TBC1D4: variants seen among roughly 807,000 people sequenced by gnomAD.
TBC1D4 encodes the protein TBC1 domain family member 4, also known as TBC (Tre-2, BUB2, CDC16) domain-containing protein.
In TBC1D4, 121 loss-of-function variants were observed where a neutral mutation model predicts 142.5. The observed-to-expected ratio is 0.85, with a 90% confidence interval of 0.73 to 0.99. TBC1D4 has a LOEUF of 0.99. Ranked by LOEUF, TBC1D4 falls within the 50% of genes least tolerant of loss-of-function variation. The probability of loss-of-function intolerance (pLI) is 0.00; values close to 1 mark genes in which losing one functional copy is unlikely to be tolerated. For synonymous variants in TBC1D4, 630 were observed against 628.2 expected, an observed-to-expected ratio of 1.00 and a Z score of -0.04; for missense variants, 1,475 against 1,606.6, an observed-to-expected ratio of 0.92 and a Z score of 1.40.
In TBC1D4 at chr13:75,348,950, AGAGAGTGT is replaced by A. The variant is rs1291086149; in HGVS notation, c.1408+212_1408+219del. 7.2e-3 allele frequency among the ~76,000 whole-genome samples: 897 copies of A among 124,960 alleles called. 8 individuals carry two copies. Among genetic ancestry groups the A allele is most frequent in the African/African-American group, 0.026 (839 of 32,008 alleles). The allele number at this position is 124,960 out of a possible 152,430, so 82.0% of individuals were successfully genotyped here. ...GAGAGGAGAGAGAGTAGAGAGAGAGAGAGAGTGTGTGTGTGTGTGTGTGTGTGTGTGTG... is the reference window on the plus strand; with the variant it reads ...GAGAGGAGAGAGAGTAGAGAGAGAGAGTGTGTGTGTGTGTGTGTGTGTGTG... On this transcript the variant is annotated intron_variant, in intron 5 of 20. Coordinates refer to ENST00000377636, the MANE Select transcript of TBC1D4 (RefSeq NM_014832.5).
chr13:75,337,234 G>A (rs1326531607), intron 7 of TBC1D4, among the ~76,000 whole-genome samples, 194 bp from the exon 8 acceptor site: 1 of 152,104 alleles, frequency 6.6e-6, no homozygotes, highest in Non-Finnish European at 1.5e-5. Flanking sequence ...CATATTGTAT[G>A]TAATAAAAAG....
chr13:75,362,064 G>A lies in TBC1D4; in HGVS notation c.1042C>T (p.Pro348Ser). The A allele has an allele frequency of 6.2e-7, 1 of 1,614,128 alleles. No individual in the cohort carries two copies. Among genetic ancestry groups the A allele is most frequent in the Non-Finnish European group, 8.5e-7 (1 of 1,180,024 alleles). ...GTCCTGTTCTTCTCCGAGTCCGAGG[G>A]CTGGACGTGACTGGGTGCGCTCGCG... ...RHASAPSHVQ[P>S]SDSEKNRTML... is the part of the protein sequence containing the mutation. Residue 348 changes from proline (P) to serine (S), a missense_variant, in exon 2 of 21, where the codon CCC (proline) becomes TCC (serine). Around this residue, in one of 2 missense-constraint regions of TBC1D4, gnomAD observed 1,227 missense variants for 1,267.7 expected, o/e 0.97. Coordinates refer to ENST00000377636, the MANE Select transcript of TBC1D4 (RefSeq NM_014832.5). The surrounding 1 kb of genome is among the most constrained non-coding windows in gnomAD (Gnocchi z 4.2).
intron 17 of TBC1D4, among the ~76,000 whole-genome samples, chr13:75,296,323 A>G (rs187239204): frequency 1.3e-5 from 2 of 152,352 alleles, no homozygotes; most frequent in Admixed American, 1.3e-4. Context: ...CAAAAGAGTT[A>G]GTATTTTGGT....
At chr13:75,363,748 T>C (rs1882726899) in intron 1 of TBC1D4, among the ~76,000 whole-genome samples, 1 of 152,264 alleles carries the variant, frequency 6.6e-6, no homozygotes, top group African/African-American at 2.4e-5. Context: ...ATACACTTTC[T>C]AAATTAACTG....
chr13:75,481,195 T>TGCCCC, intron 1 of TBC1D4, 75 bp downstream of exon 1: 14 of 1,292,708 alleles, frequency 1.1e-5, no homozygotes, highest in Non-Finnish European at 1.5e-5. Context: ...TAAAGTGGGG[T>TGCCCC]CCCCGCCCCT....
chr13:75,376,918 T>A (rs1175084627), intron 1 of TBC1D4, among the ~76,000 whole-genome samples: 1 of 152,232 alleles, frequency 6.6e-6, no homozygotes, highest in African/African-American at 2.4e-5. Context: ...ACACAGAGAA[T>A]AGCACCACGT....
intron 1 of TBC1D4, among the ~76,000 whole-genome samples, chr13:75,400,849 C>T (rs1483512564): frequency 2.6e-5 from 4 of 152,034 alleles, no homozygotes; most frequent in Admixed American, 2.0e-4. Context: ...AAGCTTTCCC[C>T]CATATAGCAT....
At chr13:75,447,545 T>C (rs1270134900) in intron 1 of TBC1D4, among the ~76,000 whole-genome samples, 1 of 147,486 alleles carries the variant, frequency 6.8e-6, no homozygotes, top group Non-Finnish European at 1.5e-5. Context: ...TACAGGCCAC[T>C]GACCAGTACT....
At chr13:75,478,384 C>T (rs1566520081) in intron 1 of TBC1D4, among the ~76,000 whole-genome samples, 1 of 152,034 alleles carries the variant, frequency 6.6e-6, no homozygotes. Flanking sequence ...ACAGATAGGG[C>T]CATTGCATTA....
chr13:75,392,888 C>A (rs751159483), intron 1 of TBC1D4, among the ~76,000 whole-genome samples: 28 of 152,064 alleles, frequency 1.8e-4, no homozygotes, highest in Non-Finnish European at 3.7e-4. Context: ...GATCCTCCTG[C>A]CTTGGCCTCC....
At position 75,356,272 on chromosome 13, in the gene TBC1D4, GC is replaced by G. The variant is rs911482386; in HGVS notation, c.1171-22del. The G allele has an allele frequency of 3.3e-6, 5 of 1,521,760 alleles. No homozygotes were observed. In the Admixed American group the frequency reaches 6.7e-5, roughly 20 times the overall value. The allele number at this position is 1,521,760 out of a possible 1,614,324, so 94.3% of individuals were successfully genotyped here. A position where few individuals can be genotyped will look rare whatever the true frequency, so the allele number is the denominator to read the frequency against. ...ATACCCTAGATGGAGGGGAAGAAGTGCAATAAAAATGTATGGGAATATATAT... is the reference window on the plus strand; with the variant it reads ...ATACCCTAGATGGAGGGGAAGAAGTGAATAAAAATGTATGGGAATATATAT... On this transcript the variant is annotated intron_variant, in intron 3 of 20. Transcript: ENST00000377636.
chr13:75,366,727 T>C (rs1284051028), intron 1 of TBC1D4, among the ~76,000 whole-genome samples: 1 of 152,210 alleles, frequency 6.6e-6, no homozygotes, highest in Non-Finnish European at 1.5e-5. Context: ...TGTCATGCTG[T>C]TCTTTCTCAT....
At chr13:75,305,914 G>A (rs3783035) in intron 15 of TBC1D4, among the ~76,000 whole-genome samples, 68,745 of 151,976 alleles carry the variant, frequency 0.45, 16,163 homozygotes, top group South Asian at 0.65. Context: ...TACTTAGCCA[G>A]AATATAAATC....
At chr13:75,434,958 G>A (rs986549052) in intron 1 of TBC1D4, among the ~76,000 whole-genome samples, 5 of 150,384 alleles carry the variant, frequency 3.3e-5, no homozygotes, top group Non-Finnish European at 7.4e-5. Context: ...GATTGGCCTG[G>A]CCAACATGGC....
chr13:75,357,525 T>G (rs972242828), intron 3 of TBC1D4, among the ~76,000 whole-genome samples: 1 of 152,154 alleles, frequency 6.6e-6, no homozygotes, highest in East Asian at 1.9e-4. Context: ...GTACAACTTG[T>G]TAGTGACTTA....
chr13:75,420,356 CA>C (rs201226256), intron 1 of TBC1D4, among the ~76,000 whole-genome samples: 31 of 150,494 alleles, frequency 2.1e-4, no homozygotes, highest in Admixed American at 2.6e-4. Context: ...AAAATAGTTA[CA>C]AAAAAAAAGT....
chr13:75,475,305 A>T (rs1297942296), intron 1 of TBC1D4, among the ~76,000 whole-genome samples: 2 of 152,246 alleles, frequency 1.3e-5, no homozygotes, highest in Admixed American at 1.3e-4. Flanking sequence ...GTCTGAATAT[A>T]CTATTACATT....
intron 5 of TBC1D4, among the ~76,000 whole-genome samples, chr13:75,344,051 G>C (rs1880949041): frequency 6.6e-6 from 1 of 151,874 alleles, no homozygotes; most frequent in Admixed American, 6.6e-5. Flanking sequence ...ATTTTGGAGA[G>C]GCTGGGCCTG....
intron 13 of TBC1D4, among the ~76,000 whole-genome samples, chr13:75,310,581 C>G (rs1877650130): frequency 6.6e-6 from 1 of 152,208 alleles, no homozygotes; most frequent in South Asian, 2.1e-4. Flanking sequence ...AATGCTGGGC[C>G]TCTCCTGGCT....
Sources: gnomAD v4.1 joint callset for allele counts (sites outside exome capture counted in the v4.1 genomes callset) on GRCh38, gnomAD v4.1.1 for gene constraint, gnomAD v4.1.1 regional missense constraint, Gnocchi (gnomAD v3.1) non-coding constraint, MANE v1.5 for transcripts, NCBI Gene and HGNC (gene_info 2026-07-23, HGNC 2026-07-21) for gene names.